The following OR1N1 variants were observed in gnomAD, a reference collection of about 807,000 sequenced individuals.
OR1N1 encodes olfactory receptor family 1 subfamily N member 1, also known as olfactory receptor 1N1.
For missense variants in OR1N1, 388 were observed against 391.9 expected (o/e 0.99, Z 0.08); for synonymous variants, 130 against 151.2 (o/e 0.86, Z 1.03).
In OR1N1 at chr9:122,526,765, A is replaced by C. The variant is rs756178082; in HGVS notation, c.529T>G (p.Cys177Gly). 6 of 1,614,140 alleles carry C rather than the reference A, an allele frequency of 3.7e-6. No individual in the cohort carries two copies. Among genetic ancestry groups the C allele is most frequent in the Non-Finnish European group, 5.1e-6 (6 of 1,180,002 alleles). ...CVTGEIAHFFCDITPVLKLSC... is the reference protein window; with the variant it reads ...CVTGEIAHFFGDITPVLKLSC... ...AGCTTCAGGACAGGAGTGATGTCAC[A>C]GAAAAAGTGAGCAATTTCCCCAGTC... Residue 177 changes from cysteine to glycine, a missense_variant, in exon 1 of 1, where the codon TGT becomes GGT. Cys to Gly is a radical substitution (Grantham distance 159). Coordinates refer to ENST00000304880, the MANE Select transcript of OR1N1 (RefSeq NM_012363.1).
rs776136966 is a variant in OR1N1 at position 122,527,259 on chromosome 9, A to T, written c.35T>A (p.Leu12His). The T allele has an allele frequency of 6.2e-7, 1 of 1,612,136 alleles. No homozygotes were observed. Among genetic ancestry groups the T allele is most frequent in the Admixed American group, 1.7e-5 (1 of 59,946 alleles). ...CTCTGGAGGCGCTGATATTCCTCGG[A>T]GGAAAAATTCAGAAATGCTGGATTG... ...ENQSSISEFF[L>H]RGISAPPEQQ... Residue 12 changes from leucine (L) to histidine (H), a missense_variant, in exon 1 of 1, where the codon CTC (leucine) becomes CAC (histidine). By Grantham distance (99) the Leu-to-His change is moderately conservative (BLOSUM62 -3). Transcript: ENST00000304880.
At position 122,526,737 on chromosome 9, in the gene OR1N1, G is replaced by A; in HGVS notation, c.557C>T (p.Ser186Leu). ...CTCGTTGATGTGGGTGTCAGAACAT[G>A]ACAGCTTCAGGACAGGAGTGATGTC... The part of the protein sequence containing the change: ...FCDITPVLKL[S>L]CSDTHINEMM... The change falls in exon 1 of 1, where the codon TCA (serine) becomes TTA (leucine). Residue 186 changes from serine to leucine, a missense_variant. Transcript: ENST00000304880. The A allele has an allele frequency of 6.2e-7, 1 of 1,614,128 alleles. No individual in the cohort carries two copies. The highest frequency in any genetic ancestry group is 8.5e-7 in the Non-Finnish European group (1 of 1,180,006).
In OR1N1 at chr9:122,526,907, G is replaced by A; in HGVS notation, c.387C>T (p.Cys129=). The change falls in exon 1 of 1, where the codon TGC becomes TGT. Residue 129 remains cysteine, a synonymous_variant. Transcript: ENST00000304880. ...DRYVAICHPL[C]YSTVMRPQVC... Reference sequence around the variant, plus strand: ...CTTGGGGCCTCATGACTGTGGAGTAGCAGAGGGGGTGGCAAATGGCCACAT... The same window carrying A: ...CTTGGGGCCTCATGACTGTGGAGTAACAGAGGGGGTGGCAAATGGCCACAT... 1 of 1,614,192 alleles carries A rather than the reference G, an allele frequency of 6.2e-7. No individual in the cohort carries two copies. Among genetic ancestry groups the A allele is most frequent in the Non-Finnish European group, 8.5e-7 (1 of 1,180,034 alleles).
rs1828850106 is a variant in OR1N1, at chr9:122,527,127, G to A, written c.167C>T (p.Pro56Leu). 6.2e-7 allele frequency: 1 copy of A among 1,614,214 alleles called. No individual in the cohort carries two copies. Among genetic ancestry groups the A allele is most frequent in the Non-Finnish European group, 8.5e-7 (1 of 1,180,034 alleles). Residue 56 changes from proline to leucine, a missense_variant, in exon 1 of 1, where the codon CCC becomes CTC. Coordinates refer to ENST00000304880, the MANE Select transcript of OR1N1 (RefSeq NM_012363.1). ...CAGGTTGGCCAAGAAAAAGTACATG[G>A]GGGTGTGGAGGTGCAGGTCAGAGCC... is the stretch of plus-strand genomic sequence containing the variant. ...AIGSDLHLHTPMYFFLANLSF... is the reference protein window; with the variant it reads ...AIGSDLHLHTLMYFFLANLSF...
rs1828836905 is a variant in OR1N1 at position 122,526,531 on chromosome 9, T to C, written c.763A>G (p.Ser255Gly). 2 of 1,606,012 alleles carry C rather than the reference T, an allele frequency of 1.2e-6. No individual in the cohort carries two copies. Among genetic ancestry groups the C allele is most frequent in the South Asian group, 2.2e-5 (2 of 89,194 alleles). ...ATGGAGGGAGGACACAGGTAGGCAC[T>C]GAAGAGGGTCCCATAGAACACACAA... ...VVCVFYGTLF[S>G]AYLCPPSIAS... The change falls in exon 1 of 1, where the codon AGT (serine) becomes GGT (glycine). Residue 255 changes from serine to glycine, a missense_variant. Ser to Gly is a moderately conservative substitution (Grantham distance 56). Coordinates refer to ENST00000304880, the MANE Select transcript of OR1N1 (RefSeq NM_012363.1).
chr9:122,527,202 C>G lies in OR1N1; in HGVS notation c.92G>C (p.Cys31Ser), dbSNP rs1033900780. 5 of 1,613,976 alleles carry G rather than the reference C, an allele frequency of 3.1e-6. No individual in the cohort carries two copies. Among genetic ancestry groups the G allele is most frequent in the Admixed American group, 1.7e-5 (1 of 59,998 alleles). The change falls in exon 1 of 1, where the codon TGT (cysteine) becomes TCT (serine). Residue 31 changes from cysteine (C) to serine (S), a missense_variant. Coordinates refer to ENST00000304880, the MANE Select transcript of OR1N1 (RefSeq NM_012363.1). ...CCCAGTCAAGGTGACAAGATACATA[C>G]ACAGGAAAATTCCGAAGAGGGACTG... ...QQQSLFGIFL[C>S]MYLVTLTGNL...
In OR1N1 at chr9:122,527,114, G is replaced by A; in HGVS notation, c.180C>T (p.Phe60=). The A allele has an allele frequency of 6.2e-7, 1 of 1,614,212 alleles. No individual in the cohort carries two copies. Among genetic ancestry groups the A allele is most frequent in the Non-Finnish European group, 8.5e-7 (1 of 1,180,036 alleles). Residue 60 remains phenylalanine, a synonymous_variant, in exon 1 of 1, where the codon TTC becomes TTT. Coordinates refer to ENST00000304880, the MANE Select transcript of OR1N1 (RefSeq NM_012363.1). ...DLHLHTPMYF[F]LANLSFVDMG... ...TGTCAACAAAAGACAGGTTGGCCAA[G>A]AAAAAGTACATGGGGGTGTGGAGGT...
rs548283369 is a variant in OR1N1 at position 122,527,280 on chromosome 9, G to A, written c.14C>T (p.Ser5Phe). The change falls in exon 1 of 1, where the codon TCC (serine) becomes TTC (phenylalanine). Residue 5 changes from serine (S) to phenylalanine (F), a missense_variant. By Grantham distance (155) the Ser-to-Phe change is radical. Transcript: ENST00000304880. ...TCGGAGGAAAAATTCAGAAATGCTG[G>A]ATTGGTTTTCCATGACTCTGCAGCA... MENQ[S>F]SISEFFLRGI... 3 of 1,606,590 alleles carry A rather than the reference G, an allele frequency of 1.9e-6. No homozygotes were observed. Among genetic ancestry groups the A allele is most frequent in the East Asian group, 4.5e-5 (2 of 44,758 alleles).
Position 122,526,449 on chromosome 9 carries a change from A to C in OR1N1, c.845T>G (p.Met282Arg), listed in dbSNP as rs200831920. 6.5e-7 allele frequency: 1 copy of C among 1,537,520 alleles called. No individual in the cohort carries two copies. The highest frequency in any genetic ancestry group is 2.1e-5 in the Admixed American group (1 of 48,022). ...TAGGCTATAGATAAAGGGGTTCAACATGGGAGTCACTATGGTGTACATTGC... is the reference window on the plus strand; with the variant it reads ...TAGGCTATAGATAAAGGGGTTCAACCTGGGAGTCACTATGGTGTACATTGC... The part of the protein sequence containing the change: ...AAAMYTIVTP[M>R]LNPFIYSLRN... Residue 282 changes from methionine (M) to arginine (R), a missense_variant, in exon 1 of 1, where the codon ATG (methionine) becomes AGG (arginine). Transcript: ENST00000304880.
Position 122,526,609 on chromosome 9 carries a change from G to A in OR1N1, c.685C>T (p.Arg229Cys), listed in dbSNP as rs773072289. The A allele has an allele frequency of 5.5e-5, 89 of 1,614,014 alleles. No homozygotes were observed. Among genetic ancestry groups the A allele is most frequent in the African/African-American group, 1.6e-4 (12 of 74,922 alleles). The stretch of plus-strand genomic sequence containing the variant: ...GAAAAGGCCTTGCCCACCCCACCAC[G>A]GGTTCGGACCCTCAGGATAGCTGGC... ...IVPAILRVRT[R>C]GGVGKAFSTC... The change falls in exon 1 of 1, where the codon CGT (arginine) becomes TGT (cysteine). Residue 229 changes from arginine (R) to cysteine (C), a missense_variant. Arg to Cys is a radical substitution (Grantham distance 180). Coordinates refer to ENST00000304880, the MANE Select transcript of OR1N1 (RefSeq NM_012363.1).
rs150290021 is a variant in OR1N1 at position 122,526,400 on chromosome 9, G to A, written c.894C>T (p.Ala298=). Residue 298 remains alanine, a synonymous_variant, in exon 1 of 1, where the codon GCC becomes GCT. Coordinates refer to ENST00000304880, the MANE Select transcript of OR1N1 (RefSeq NM_012363.1). ...TCCTGTGACTGAAGAGCCTCTTTAG[G>A]GCCCCCTTCATGTCCTTGTTCCTTA... The part of the protein sequence containing the change: ...YSLRNKDMKG[A]LKRLFSHRSI... 328 of 1,509,338 alleles carry A rather than the reference G, an allele frequency of 2.2e-4. No individual in the cohort carries two copies. In the African/African-American group the frequency reaches 4.1e-3, roughly 19 times the overall value. The allele number at this position is 1,509,338 out of a possible 1,614,324, so 93.5% of individuals were successfully genotyped here.
rs762756152 is a variant in OR1N1 at position 122,526,509 on chromosome 9, G to T, written c.785C>A (p.Ser262Tyr). ...TLFSAYLCPP[S>Y]IASEEKDIAA... ...AATGTCCTTCTCTTCAGAGGCAATG[G>T]AGGGAGGACACAGGTAGGCACTGAA... The change falls in exon 1 of 1, where the codon TCC becomes TAC. Residue 262 changes from serine to tyrosine, a missense_variant. Transcript: ENST00000304880. 22 of 1,592,886 alleles carry T rather than the reference G, an allele frequency of 1.4e-5. No homozygotes were observed. The highest frequency in any genetic ancestry group is 1.9e-5 in the Non-Finnish European group (22 of 1,169,902).
rs1286436339 is a variant in OR1N1 at position 122,526,646 on chromosome 9, G to A, written c.648C>T (p.Tyr216=). 8 of 1,614,190 alleles carry A rather than the reference G, an allele frequency of 5.0e-6. No individual in the cohort carries two copies. In the South Asian group the frequency reaches 8.8e-5, roughly 18 times the overall value. Residue 216 remains tyrosine, a synonymous_variant, in exon 1 of 1, where the codon TAC becomes TAT. Transcript: ENST00000304880. ...IVPFLCIVTS[Y]IHIVPAILRV... ...TCAGGATAGCTGGCACAATGTGGAT[G>A]TAGGAGGTGACAATGCATAAAAAGG...
In OR1N1 at chr9:122,527,114, GA is replaced by G. The variant is rs1828849856; in HGVS notation, c.179del (p.Phe60SerfsTer12). The part of the protein sequence containing the change: ...DLHLHTPMYF[F>X]LANLSFVDMG... ...TGTCAACAAAAGACAGGTTGGCCAA[GA>G]AAAAGTACATGGGGGTGTGGAGGTG... is the stretch of plus-strand genomic sequence containing the variant. On this transcript the variant is annotated frameshift_variant, in exon 1 of 1. Transcript: ENST00000304880. LOFTEE classifies it low-confidence loss of function (END_TRUNC). The G allele has an allele frequency of 6.2e-7, 1 of 1,614,094 alleles. No homozygotes were observed. Among genetic ancestry groups the G allele is most frequent in the Non-Finnish European group, 8.5e-7 (1 of 1,180,044 alleles).
chr9:122,526,902 G>A lies in OR1N1; in HGVS notation c.392C>T (p.Ser131Phe), dbSNP rs761045703. The A allele has an allele frequency of 5.6e-6, 9 of 1,614,186 alleles. No individual in the cohort carries two copies. In the East Asian group the frequency reaches 2.0e-4, roughly 36 times the overall value. ...ACAGACTTGGGGCCTCATGACTGTG[G>A]AGTAGCAGAGGGGGTGGCAAATGGC... ...YVAICHPLCY[S>F]TVMRPQVCAL... Residue 131 changes from serine (S) to phenylalanine (F), a missense_variant, in exon 1 of 1, where the codon TCC (serine) becomes TTC (phenylalanine). Physicochemically the swap from Ser to Phe is radical, Grantham distance 155 (BLOSUM62 -2). Transcript: ENST00000304880.
rs201769346 is a variant in OR1N1, at chr9:122,527,079, G to A, written c.215C>T (p.Thr72Met). Residue 72 changes from threonine (T) to methionine (M), a missense_variant, in exon 1 of 1, where the codon ACG becomes ATG. Coordinates refer to ENST00000304880, the MANE Select transcript of OR1N1 (RefSeq NM_012363.1). Reference protein sequence around the residue: ...ANLSFVDMGLTSSTVTKMLVN... With the variant: ...ANLSFVDMGLMSSTVTKMLVN... ...CAGCATCTTGGTAACTGTGGAGGACGTTAAACCCATGTCAACAAAAGACAG... is the reference window on the plus strand; with the variant it reads ...CAGCATCTTGGTAACTGTGGAGGACATTAAACCCATGTCAACAAAAGACAG... 59 of 1,614,194 alleles carry A rather than the reference G, an allele frequency of 3.7e-5. No individual in the cohort carries two copies. Among genetic ancestry groups the A allele is most frequent in the Middle Eastern group, 1.6e-4 (1 of 6,062 alleles).
chr9:122,526,956 A>C lies in OR1N1; in HGVS notation c.338T>G (p.Leu113Arg). Reference sequence around the variant, plus strand: ...ATAGCGGTCATACGCCATGGCAGCCAGGAAGAAGCTGTCTAGATCACCAAA... The same window carrying C: ...ATAGCGGTCATACGCCATGGCAGCCCGGAAGAAGCTGTCTAGATCACCAAA... Reference protein sequence around the residue: ...LMFGDLDSFFLAAMAYDRYVA... With the variant: ...LMFGDLDSFFRAAMAYDRYVA... Residue 113 changes from leucine to arginine, a missense_variant, in exon 1 of 1, where the codon CTG becomes CGG. Physicochemically the swap from Leu to Arg is moderately radical, Grantham distance 102. Coordinates refer to ENST00000304880, the MANE Select transcript of OR1N1 (RefSeq NM_012363.1). 6.2e-7 allele frequency: 1 copy of C among 1,614,248 alleles called. No individual in the cohort carries two copies. Among genetic ancestry groups the C allele is most frequent in the Non-Finnish European group, 8.5e-7 (1 of 1,180,046 alleles).
In OR1N1 at chr9:122,527,191, CAAG is replaced by C. The variant is rs1828851717; in HGVS notation, c.100_102del (p.Leu34del). On this transcript the variant is annotated inframe_deletion, in exon 1 of 1. Transcript: ENST00000304880. ...ATGAGCAGGTTCCCAGTCAAGGTGA[CAAG>C]ATACATACACAGGAAAATTCCGAAG... 1.9e-6 allele frequency: 3 copies of C among 1,614,068 alleles called. No individual in the cohort carries two copies.
rs771046402 is a variant in OR1N1 at position 122,527,167 on chromosome 9, T to A, written c.127A>T (p.Ile43Phe). Residue 43 changes from isoleucine to phenylalanine, a missense_variant, in exon 1 of 1, where the codon ATC (isoleucine) becomes TTC (phenylalanine). By Grantham distance (21) the Ile-to-Phe change is conservative. Coordinates refer to ENST00000304880, the MANE Select transcript of OR1N1 (RefSeq NM_012363.1). ...YLVTLTGNLL[I>F]ILAIGSDLHL... Reference sequence around the variant, plus strand: ...AGGTCAGAGCCAATGGCCAGGATGATGAGCAGGTTCCCAGTCAAGGTGACA... The same window carrying A: ...AGGTCAGAGCCAATGGCCAGGATGAAGAGCAGGTTCCCAGTCAAGGTGACA... 2.5e-6 allele frequency: 4 copies of A among 1,614,152 alleles called. No individual in the cohort carries two copies. Among genetic ancestry groups the A allele is most frequent in the Non-Finnish European group, 3.4e-6 (4 of 1,180,024 alleles).
Sources: allele counts gnomAD v4.1 joint callset, GRCh38; gene constraint gnomAD v4.1.1; transcripts MANE v1.5; gene names NCBI Gene and HGNC (gene_info 2026-07-23, HGNC 2026-07-21).